The following BCAS3 variants were observed in gnomAD, a reference collection of about 807,000 sequenced individuals.
BCAS3 encodes BCAS4/BCAS3 fusion.
A neutral mutation model predicts 116.1 loss-of-function variants in BCAS3; 53 were observed. The observed-to-expected ratio is 0.46, with a 90% CI of 0.37 to 0.57. The LOEUF (loss-of-function observed/expected upper bound fraction) is 0.57. BCAS3 is among the 20% of genes least tolerant of loss of function. The pLI, the probability that BCAS3 is intolerant of heterozygous loss-of-function variation, is 0.00. For synonymous variants in BCAS3, 391 were observed against 408.2 expected, an observed-to-expected ratio of 0.96 and a Z score of 0.51; for missense variants, 917 against 1,165.4, an observed-to-expected ratio of 0.79 and a Z score of 3.10.
At chr17:60,989,891 A>C (rs931339314) in intron 14 of BCAS3, 80 bp from the exon 15 acceptor site, 1 of 1,428,156 alleles carries the variant, frequency 7.0e-7, no homozygotes, top group South Asian at 1.3e-5. Context: ...ATTTATATTC[A>C]TATTTGGTGA....
At chr17:60,696,504 A>C (rs1022882706) in intron 4 of BCAS3, 1 of 152,352 alleles carries the variant, frequency 6.6e-6, no homozygotes, top group African/African-American at 2.4e-5. Context: ...GAACCAGCCC[A>C]GTTCAGAAAC....
At position 61,097,775 on chromosome 17, in the gene BCAS3, A is replaced by G. The variant is rs1387133274; in HGVS notation, c.2425+13211A>G. Among the ~76,000 whole-genome samples the G allele has an allele frequency of 6.6e-6, 1 of 152,234 alleles. No individual in the cohort carries two copies. Among genetic ancestry groups the G allele is most frequent in the Non-Finnish European group, 1.5e-5 (1 of 68,034 alleles). The stretch of plus-strand genomic sequence containing the variant: ...TCCATTTTAGCAATAGTCAAAGAAC[A>G]GGACTTAGGACACCTAGCTCCTGAT... On this transcript the variant is annotated intron_variant, in intron 22 of 23. Coordinates refer to ENST00000407086, the MANE Select transcript of BCAS3 (RefSeq NM_017679.5). This position sits in a 1 kb window ranked among gnomAD's most constrained non-coding sequence, Gnocchi z 4.0.
At position 60,709,266 on chromosome 17, in the gene BCAS3, G is replaced by A; in HGVS notation, c.262G>A (p.Glu88Lys). Residue 88 changes from glutamate to lysine, a missense_variant, in exon 5 of 24, where the codon GAA becomes AAA. Coordinates refer to ENST00000407086, the MANE Select transcript of BCAS3 (RefSeq NM_017679.5). The stretch of plus-strand genomic sequence containing the variant: ...TCATGAAATACATAGTACTGGGAAT[G>A]AACCGCCTTTGTTGATTATGATTGG... ...EFHEIHSTGN[E>K]PPLLIMIGYS... 1 of 1,602,060 alleles carries A rather than the reference G, an allele frequency of 6.2e-7. No homozygotes were observed. Among genetic ancestry groups the A allele is most frequent in the Non-Finnish European group, 8.6e-7 (1 of 1,168,998 alleles).
At chr17:61,267,388 T>C (rs967042420) in intron 22 of BCAS3, among the ~76,000 whole-genome samples, 8 of 152,012 alleles carry the variant, frequency 5.3e-5, no homozygotes, top group African/African-American at 1.9e-4. Context: ...CCACAGTGGT[T>C]GGTAAATTAA....
In BCAS3 at chr17:61,084,905, A is replaced by G. The variant is rs939583898; in HGVS notation, c.2425+341A>G. Among the ~76,000 whole-genome samples the G allele has an allele frequency of 2.6e-5, 4 of 152,212 alleles. No individual in the cohort carries two copies. Among genetic ancestry groups the G allele is most frequent in the African/African-American group, 9.7e-5 (4 of 41,448 alleles). On this transcript the variant is annotated intron_variant, in intron 22 of 23. Coordinates refer to ENST00000407086, the MANE Select transcript of BCAS3 (RefSeq NM_017679.5). The surrounding 1 kb of genome is among the most constrained non-coding windows in gnomAD (Gnocchi z 5.5). ...AACGTAAATACAATCTATGGATTCA[A>G]TTTACTCAACCTGTTGAGTATCAAA... is the stretch of plus-strand genomic sequence containing the variant.
intron 7 of BCAS3, among the ~76,000 whole-genome samples, chr17:60,856,032 A>G (rs181979343): frequency 7.2e-5 from 11 of 152,172 alleles, no homozygotes; most frequent in African/African-American, 2.2e-4. Context: ...AATCTCTTTC[A>G]TGAAGTATTT....
chr17:61,390,610 TG>T lies in BCAS3; in HGVS notation c.2594-1365del, dbSNP rs1237497516. 2 of 152,080 alleles carry T rather than the reference TG, an allele frequency of 1.3e-5. No individual in the cohort carries two copies. The highest frequency in any genetic ancestry group is 2.9e-5 in the Non-Finnish European group (2 of 68,126). The allele number at this position is 152,080 out of a possible 1,614,324, so 9.4% of individuals were successfully genotyped here. A position where few individuals can be genotyped will look rare whatever the true frequency, so the allele number is the denominator to read the frequency against. On this transcript the variant is annotated intron_variant, in intron 23 of 23. Coordinates refer to ENST00000407086, the MANE Select transcript of BCAS3 (RefSeq NM_017679.5). The surrounding 1 kb of genome is among the most constrained non-coding windows in gnomAD (Gnocchi z 6.8). ...CCCGCCTCCTCCCCACTCCACTCTG[TG>T]GCTGCTGCAGGCCTGCAGGGAGTCG...
chr17:60,875,223 T>C (rs900859561), intron 9 of BCAS3, among the ~76,000 whole-genome samples: 3 of 152,154 alleles, frequency 2.0e-5, no homozygotes, highest in Non-Finnish European at 4.4e-5. Flanking sequence ...AATAAACTTA[T>C]GTACTTATAA....
chr17:60,949,386 T>C (rs2060708660), intron 14 of BCAS3, among the ~76,000 whole-genome samples: 1 of 151,794 alleles, frequency 6.6e-6, no homozygotes, highest in Non-Finnish European at 1.5e-5. Flanking sequence ...GCCTCCCAAG[T>C]AGCTGGGACT....
chr17:61,003,540 G>C (rs1199866205), intron 15 of BCAS3, among the ~76,000 whole-genome samples: 1 of 151,642 alleles, frequency 6.6e-6, no homozygotes, highest in African/African-American at 2.4e-5. Context: ...CAATCTGCCT[G>C]CCTCAGCCTC....
chr17:60,893,600 C>CTTTTTTTTTTTTTTTTTTTTT (rs930873750), intron 10 of BCAS3, among the ~76,000 whole-genome samples: 1 of 82,054 alleles, frequency 1.2e-5, no homozygotes, highest in Non-Finnish European at 2.3e-5. Context: ...GACCTATGAT[C>CTTTTTTTTTTTTTTTTTTTTT]TTTTTTTTTT....
chr17:61,189,595 A>G lies in BCAS3; in HGVS notation c.2425+105031A>G, dbSNP rs1365205820. On this transcript the variant is annotated intron_variant, in intron 22 of 23. Coordinates refer to ENST00000407086, the MANE Select transcript of BCAS3 (RefSeq NM_017679.5). This position sits in a 1 kb window ranked among gnomAD's most constrained non-coding sequence, Gnocchi z 4.5. ...AAACTGTTGACCTGACACCTAGGGC[A>G]GGGGTAAATGGAATCGAAAGGAGAA... Among the ~76,000 whole-genome samples, 1 of 152,202 alleles carries G rather than the reference A, an allele frequency of 6.6e-6. No homozygotes were observed. Among genetic ancestry groups the G allele is most frequent in the East Asian group, 1.9e-4 (1 of 5,192 alleles).
intron 22 of BCAS3, among the ~76,000 whole-genome samples, chr17:61,242,049 G>A (rs1045732816): frequency 2.0e-5 from 3 of 152,094 alleles, no homozygotes; most frequent in South Asian, 2.1e-4. Flanking sequence ...GGCCGAGGCG[G>A]GCAGATCACC....
intron 18 of BCAS3, among the ~76,000 whole-genome samples, chr17:61,038,259 A>T (rs573757899): frequency 6.6e-6 from 1 of 150,996 alleles, no homozygotes; most frequent in East Asian, 1.9e-4. Context: ...TCTACAGATT[A>T]GTTTACAGTT....
intron 14 of BCAS3, among the ~76,000 whole-genome samples, chr17:60,947,995 C>A (rs982848910): frequency 6.6e-5 from 10 of 152,170 alleles, no homozygotes; most frequent in Admixed American, 6.6e-5. Flanking sequence ...CGTACACGTG[C>A]ATGGGTACAC....
chr17:61,075,043 G>A (rs750120941), intron 20 of BCAS3, 23 bp downstream of exon 20: 22 of 1,543,614 alleles, frequency 1.4e-5, no homozygotes, highest in Non-Finnish European at 1.8e-5. Flanking sequence ...AATATTGAGA[G>A]TATTAAAGTA....
intron 8 of BCAS3, among the ~76,000 whole-genome samples, chr17:60,872,295 A>G (rs1358070065): frequency 6.6e-6 from 1 of 151,846 alleles, no homozygotes; most frequent in Non-Finnish European, 1.5e-5. Context: ...GTGCATGTGT[A>G]TGTGTGTATA....
chr17:61,173,413 C>T (rs2078968122), intron 22 of BCAS3, among the ~76,000 whole-genome samples: 1 of 150,274 alleles, frequency 6.7e-6, no homozygotes, highest in Non-Finnish European at 1.5e-5. Context: ...CACGCCACTG[C>T]ACCCCAGCCT....
At position 61,368,136 on chromosome 17, in the gene BCAS3, C is replaced by G. The variant is rs955709945; in HGVS notation, c.2426-191C>G. 2.0e-6 allele frequency: 1 copy of G among 490,826 alleles called. No homozygotes were observed. The allele number at this position is 490,826 out of a possible 1,614,324, so 30.4% of individuals were successfully genotyped here. On this transcript the variant is annotated intron_variant, in intron 22 of 23. Coordinates refer to ENST00000407086, the MANE Select transcript of BCAS3 (RefSeq NM_017679.5). The surrounding 1 kb of genome is among the most constrained non-coding windows in gnomAD (Gnocchi z 6.0). ...AGCCTCAGTGTCACGGAAGTCACTC[C>G]AGAGGTCTGCACTCTCTCAGCGGCA...
Sources: gnomAD v4.1 joint callset for allele counts (sites outside exome capture counted in the v4.1 genomes callset) on GRCh38, gnomAD v4.1.1 for gene constraint, Gnocchi (gnomAD v3.1) non-coding constraint, MANE v1.5 for transcripts, NCBI Gene and HGNC (gene_info 2026-07-23, HGNC 2026-07-21) for gene names.